ASH2L: variants seen among roughly 807,000 people sequenced by gnomAD.
The protein encoded by ASH2L is ASH2 like, histone lysine methyltransferase complex subunit.
ASH2L carries 30 observed loss-of-function variants against 81.1 expected under a neutral mutation model. The ratio of observed to expected loss-of-function variants is 0.37; its 90% CI spans 0.28 to 0.50. The LOEUF is 0.50. Ranked by LOEUF, ASH2L falls within the 20% of genes least tolerant of loss-of-function variation. ASH2L has a pLI of 0.95. For missense variants in ASH2L, 559 were observed against 792.1 expected (o/e 0.71, Z 3.53); for synonymous variants, 273 against 279.9 (o/e 0.98, Z 0.24).
Position 38,106,436 on chromosome 8 carries a change from G to C in ASH2L, c.247G>C (p.Asp83His), listed in dbSNP as rs999599884. ...GLETESSNGK[D>H]TLEGAGDTSE... is the part of the protein sequence containing the mutation. The stretch of plus-strand genomic sequence containing the variant: ...GGAGACAGAATCATCTAATGGAAAA[G>C]ATACACTAGTAAGTATTTTTAGTTG... Residue 83 changes from aspartate to histidine, a missense_variant, in exon 2 of 16, where the codon GAT (aspartate) becomes CAT (histidine). By Grantham distance (81) the Asp-to-His change is moderately conservative. Coordinates refer to ENST00000343823, the MANE Select transcript of ASH2L (RefSeq NM_004674.5). 9.9e-6 allele frequency: 16 copies of C among 1,612,630 alleles called. No individual in the cohort carries two copies. The South Asian group carries it at 1.2e-4, about 12-fold the overall frequency.
Position 38,120,618 on chromosome 8 carries a change from T to TCCCCCCCCCCCCCCCCCCCCCCCC in ASH2L, c.948-296_948-295insCCCCCCCCCCCCCCCCCCCCCCCC, listed in dbSNP as rs33928804. 4.3e-4 allele frequency among the ~76,000 whole-genome samples: 2 copies of TCCCCCCCCCCCCCCCCCCCCCCCC among 4,614 alleles called. 1 individual carries two copies. Among genetic ancestry groups the TCCCCCCCCCCCCCCCCCCCCCCCC allele is most frequent in the Non-Finnish European group, 3.5e-3 (2 of 574 alleles). The allele number at this position is 4,614 out of a possible 152,430, so 3.0% of individuals were successfully genotyped here. ...AATCACCCCCATTCCTCTCCTCCCT[T>TCCCCCCCCCCCCCCCCCCCCCCCC]CCCCCCCCCCCCCCCCCCGCATAAT... On this transcript the variant is annotated intron_variant, in intron 9 of 15. Coordinates refer to ENST00000343823, the MANE Select transcript of ASH2L (RefSeq NM_004674.5).
intron 6 of ASH2L, chr8:38,114,704 A>G: frequency 1.8e-6 from 1 of 545,508 alleles, no homozygotes; most frequent in South Asian, 2.6e-5. Context: ...GGTGAGGATT[A>G]TGAAAAACTT....
chr8:38,122,337 C>T lies in ASH2L; in HGVS notation c.1165+1188C>T, dbSNP rs984243828. The T allele has an allele frequency of 3.9e-5, 6 of 152,208 alleles. No homozygotes were observed. In the East Asian group the frequency reaches 1.2e-3, roughly 29 times the overall value. 9.4% of individuals were successfully genotyped at this position (152,208 alleles called of 1,614,324 possible). A position where few individuals can be genotyped will look rare whatever the true frequency, so the allele number is the denominator to read the frequency against. On this transcript the variant is annotated intron_variant, in intron 10 of 15. Transcript: ENST00000343823. ...TACTTCTTTCACCGAGCCCTGGTTCCTTTGATTGGAGCATGTTGTTTAGGA... is the reference window on the plus strand; with the variant it reads ...TACTTCTTTCACCGAGCCCTGGTTCTTTTGATTGGAGCATGTTGTTTAGGA...
intron 14 of ASH2L, among the ~76,000 whole-genome samples, chr8:38,137,040 C>A (rs1180225685): frequency 1.3e-5 from 2 of 151,314 alleles, no homozygotes; most frequent in African/African-American, 4.9e-5. Flanking sequence ...CTGCAGTGAG[C>A]CAAGATTACA....
rs1356132189 is a variant in ASH2L, at chr8:38,139,664, A to C, written c.*593A>C. 6.6e-6 allele frequency: 1 copy of C among 152,374 alleles called. No individual in the cohort carries two copies. The highest frequency in any genetic ancestry group is 2.4e-5 in the African/African-American group (1 of 41,454). 9.4% of individuals were successfully genotyped at this position (152,374 alleles called of 1,614,324 possible). A position where few individuals can be genotyped will look rare whatever the true frequency, so the allele number is the denominator to read the frequency against. ...AAGAAACTTGCTTGCAGCTTTAACA[A>C]AATGAGAAACTTCCCAAATAAAACT... On this transcript the variant is annotated 3_prime_UTR_variant, in exon 16 of 16. Coordinates refer to ENST00000343823, the MANE Select transcript of ASH2L (RefSeq NM_004674.5).
chr8:38,117,363 A>G, intron 8 of ASH2L: 4 of 750,578 alleles, frequency 5.3e-6, no homozygotes, highest in Non-Finnish European at 6.5e-6. Flanking sequence ...TGGGTTGGAA[A>G]TAGCTAGTGT....
Position 38,120,967 on chromosome 8 carries a change from A to G in ASH2L, c.983A>G (p.His328Arg). The G allele has an allele frequency of 1.2e-6, 2 of 1,612,860 alleles. No homozygotes were observed. The highest frequency in any genetic ancestry group is 1.7e-6 in the Non-Finnish European group (2 of 1,179,628). Residue 328 changes from histidine (H) to arginine (R), a missense_variant, in exon 10 of 16, where the codon CAT becomes CGT. Transcript: ENST00000343823. ...TTTTCTGCTCAGCGCCTTCCCCCTC[A>G]TGGCTACCCATTGGAACACCCGTTT... is the stretch of plus-strand genomic sequence containing the variant. ...PLFSAQRLPP[H>R]GYPLEHPFNK...
chr8:38,130,823 T>A (rs1452158387), intron 12 of ASH2L, among the ~76,000 whole-genome samples: 1 of 151,882 alleles, frequency 6.6e-6, no homozygotes, highest in Admixed American at 6.6e-5. Context: ...GGTCTTGAAC[T>A]CCCGCCTCGG....
intron 10 of ASH2L, among the ~76,000 whole-genome samples, chr8:38,126,646 A>G (rs1343654265): frequency 6.6e-6 from 1 of 151,140 alleles, no homozygotes; most frequent in South Asian, 2.1e-4. Flanking sequence ...CGAGGTCAGG[A>G]GATCAAGACC....
chr8:38,128,342 G>A lies in ASH2L; in HGVS notation c.1217G>A (p.Gly406Asp), dbSNP rs1274724948. ...CGGCTGACTGTGGTTGGAGAGAAGG[G>A]CTACTCTATGGTGAGGGCCTCTCAT... ...DDRLTVVGEK[G>D]YSMVRASHGV... is the part of the protein sequence containing the mutation. Residue 406 changes from glycine to aspartate, a missense_variant, in exon 11 of 16, where the codon GGC (glycine) becomes GAC (aspartate). Coordinates refer to ENST00000343823, the MANE Select transcript of ASH2L (RefSeq NM_004674.5). 6.2e-7 allele frequency: 1 copy of A among 1,614,112 alleles called. No individual in the cohort carries two copies. The highest frequency in any genetic ancestry group is 8.5e-7 in the Non-Finnish European group (1 of 1,180,026).
At chr8:38,106,871 C>T (rs1585560607) in intron 2 of ASH2L, 150 bp from the exon 3 acceptor site, 1 of 895,962 alleles carries the variant, frequency 1.1e-6, no homozygotes, top group East Asian at 2.9e-5. Flanking sequence ...TGGCTCATGC[C>T]TGTAATCCCA....
At chr8:38,133,281 G>A (rs1341346094) in intron 12 of ASH2L, among the ~76,000 whole-genome samples, 173 bp from the exon 13 acceptor site, 2 of 152,098 alleles carry the variant, frequency 1.3e-5, no homozygotes, top group Admixed American at 6.6e-5. Context: ...GTGCCATCTG[G>A]TATTTTTTAA....
At chr8:38,130,230 T>G (rs1174145936) in intron 12 of ASH2L, among the ~76,000 whole-genome samples, 2 of 145,196 alleles carry the variant, frequency 1.4e-5, no homozygotes, top group African/African-American at 5.1e-5. Context: ...CTCTGTTCTT[T>G]TTTTTTTTTT....
At chr8:38,111,279 A>G (rs1462681952) in intron 5 of ASH2L, among the ~76,000 whole-genome samples, 2 of 152,094 alleles carry the variant, frequency 1.3e-5, no homozygotes, top group Non-Finnish European at 2.9e-5. Context: ...GCTGGAGTGC[A>G]GTGGTGTGAT....
At chr8:38,117,547 A>G (rs1371814007) in intron 8 of ASH2L, 4 of 857,916 alleles carry the variant, frequency 4.7e-6, no homozygotes, top group South Asian at 5.3e-5. Context: ...TTGCTGAGCT[A>G]TGGTAGAAGC....
intron 9 of ASH2L, among the ~76,000 whole-genome samples, 168 bp downstream of exon 9, chr8:38,119,531 C>T (rs1218831878): frequency 3.9e-5 from 6 of 152,126 alleles, no homozygotes; most frequent in Non-Finnish European, 7.3e-5. Flanking sequence ...GGAGGCCAGG[C>T]GCAGTGGCTC....
At chr8:38,127,322 T>TAAA (rs78451289) in intron 10 of ASH2L, among the ~76,000 whole-genome samples, 7 of 133,888 alleles carry the variant, frequency 5.2e-5, no homozygotes, top group South Asian at 2.4e-4. Context: ...CCCTGGCTCT[T>TAAA]AAAAAAAAAA....
rs1563255183 is a variant in ASH2L at position 38,120,895 on chromosome 8, GT to G, written c.948-33del. The G allele has an allele frequency of 1.9e-6, 3 of 1,569,478 alleles. No homozygotes were observed. The African/African-American group carries it at 4.1e-5, about 21-fold the overall frequency. ...GTTGAATGCATTTGAGCTAAAGGGG[GT>G]TTTAGTTTTTTGATGTTATTTTTTC... On this transcript the variant is annotated intron_variant, in intron 9 of 15. Transcript: ENST00000343823.
Position 38,139,280 on chromosome 8 carries a change from A to T in ASH2L, c.*209A>T. The T allele has an allele frequency of 1.9e-6, 1 of 516,110 alleles. No individual in the cohort carries two copies. The allele number at this position is 516,110 out of a possible 1,614,324, so 32.0% of individuals were successfully genotyped here. A position where few individuals can be genotyped will look rare whatever the true frequency, so the allele number is the denominator to read the frequency against. On this transcript the variant is annotated 3_prime_UTR_variant, in exon 16 of 16. Transcript: ENST00000343823. ...AGTGACTGCTCTTATTTTGTGTACC[A>T]TAAGCCAACAACCGCTGACTCCAGG...
Sources: allele counts gnomAD v4.1 joint callset (sites outside exome capture counted in the v4.1 genomes callset), GRCh38; gene constraint gnomAD v4.1.1; transcripts MANE v1.5; gene names NCBI Gene and HGNC (gene_info 2026-07-23, HGNC 2026-07-21).